The following MARCHF11 variants were observed in gnomAD, a reference collection of about 807,000 sequenced individuals.
MARCHF11 encodes E3 ubiquitin-protein ligase MARCHF11.
A neutral mutation model predicts 37.3 loss-of-function variants in MARCHF11; 29 were observed. The observed-to-expected ratio is 0.78, with a 90% CI of 0.58 to 1.06. The LOEUF is 1.06. Among genes scored for constraint, MARCHF11 ranks in the 50% least tolerant of loss-of-function variants. The pLI is 0.00. For synonymous variants in MARCHF11, 233 were observed against 228.0 expected, an observed-to-expected ratio of 1.02 and a Z score of -0.20; for missense variants, 482 against 533.4, an observed-to-expected ratio of 0.90 and a Z score of 0.95.
chr5:16,170,042 G>A (rs1467354538), intron 2 of MARCHF11, among the ~76,000 whole-genome samples: 1 of 152,124 alleles, frequency 6.6e-6, no homozygotes, highest in Non-Finnish European at 1.5e-5. Context: ...TTTGAGTATT[G>A]TATTCACCGG....
At chr5:16,083,565 T>A (rs574343921) in intron 3 of MARCHF11, among the ~76,000 whole-genome samples, 15 of 152,292 alleles carry the variant, frequency 9.8e-5, no homozygotes, top group African/African-American at 3.6e-4. Context: ...GCAAACTCAT[T>A]TTTTTCTGCT....
In MARCHF11 at chr5:16,070,136, G is replaced by A. The variant is rs17649017; in HGVS notation, c.887-2343C>T. ...AGGAATAATCATAGTTGACCTAACC[G>A]ATCAGATATTTTCAGGAAACAGCCA... On this transcript the variant is annotated intron_variant, in intron 3 of 3. Coordinates refer to ENST00000332432, the MANE Select transcript of MARCHF11 (RefSeq NM_001102562.3). Among the ~76,000 whole-genome samples, 151 of 152,088 alleles carry A rather than the reference G, an allele frequency of 9.9e-4. 1 individual carries two copies. The East Asian group carries it at 0.025, about 25-fold the overall frequency.
Position 16,179,303 on chromosome 5 carries a change from G to A in MARCHF11, c.273C>T (p.Pro91=). Residue 91 remains proline, a synonymous_variant, in exon 1 of 4, where the codon CCC becomes CCT. Transcript: ENST00000332432. ...ELPPPPLPLQ[P]AGQEVAAAGD... is the part of the protein sequence containing the mutation. ...CGGCCGCCGCCACTTCCTGGCCGGC[G>A]GGCTGCAGGGGCAGGGGCGGAGGCG... is the stretch of plus-strand genomic sequence containing the variant. 1 of 1,268,118 alleles carries A rather than the reference G, an allele frequency of 7.9e-7. No individual in the cohort carries two copies. Among genetic ancestry groups the A allele is most frequent in the Non-Finnish European group, 9.9e-7 (1 of 1,008,058 alleles). 78.6% of individuals were successfully genotyped at this position (1,268,118 alleles called of 1,614,324 possible).
At chr5:16,176,823 C>G (rs1164023259) in intron 2 of MARCHF11, among the ~76,000 whole-genome samples, 1 of 152,112 alleles carries the variant, frequency 6.6e-6, no homozygotes, top group Non-Finnish European at 1.5e-5. Context: ...TTTTCCCCCT[C>G]CCAACTTTGC....
At chr5:16,082,060 A>C (rs1027336667) in intron 3 of MARCHF11, among the ~76,000 whole-genome samples, 1 of 144,286 alleles carries the variant, frequency 6.9e-6, no homozygotes, top group African/African-American at 2.9e-5. Flanking sequence ...AGAGAAGAGA[A>C]AAAAATAATG....
intron 2 of MARCHF11, among the ~76,000 whole-genome samples, chr5:16,171,973 G>A (rs904654329): frequency 1.3e-5 from 2 of 152,154 alleles, no homozygotes; most frequent in South Asian, 2.1e-4. Context: ...TAGAAAAGTC[G>A]AAGGTATGTA....
chr5:16,098,030 T>C (rs1434504128), intron 2 of MARCHF11, among the ~76,000 whole-genome samples: 1 of 152,092 alleles, frequency 6.6e-6, no homozygotes, highest in Non-Finnish European at 1.5e-5. Flanking sequence ...GCAAGGTCAA[T>C]ATAACATCCA....
intron 2 of MARCHF11, among the ~76,000 whole-genome samples, chr5:16,124,198 T>C (rs1230300115): frequency 1.3e-5 from 2 of 151,454 alleles, no homozygotes; most frequent in Non-Finnish European, 2.9e-5. Context: ...TTACGAGAAG[T>C]TGTAAGGAAA....
chr5:16,073,237 G>A (rs1449017919), intron 3 of MARCHF11, among the ~76,000 whole-genome samples: 1 of 152,144 alleles, frequency 6.6e-6, no homozygotes, highest in African/African-American at 2.4e-5. Flanking sequence ...ACTTGGTGAA[G>A]GCCAGAGCAT....
At chr5:16,089,805 G>T (rs1331720933) in intron 3 of MARCHF11, among the ~76,000 whole-genome samples, 3 of 152,116 alleles carry the variant, frequency 2.0e-5, no homozygotes, top group African/African-American at 7.2e-5. Flanking sequence ...TAACATAATT[G>T]TTTTATAATC....
At chr5:16,170,247 G>T (rs1366155742) in intron 2 of MARCHF11, among the ~76,000 whole-genome samples, 1 of 152,096 alleles carries the variant, frequency 6.6e-6, no homozygotes, top group African/African-American at 2.4e-5. Context: ...AATGCTAGAA[G>T]AAACCCTTCA....
chr5:16,067,548 T>G lies in MARCHF11; in HGVS notation c.1132A>C (p.Asn378His). 6.2e-7 allele frequency: 1 copy of G among 1,613,976 alleles called. No individual in the cohort carries two copies. The highest frequency in any genetic ancestry group is 1.7e-5 in the Admixed American group (1 of 60,022). Residue 378 changes from asparagine to histidine, a missense_variant, in exon 4 of 4, where the codon AAT becomes CAT. By Grantham distance (68) the Asn-to-His change is moderately conservative. Coordinates refer to ENST00000332432, the MANE Select transcript of MARCHF11 (RefSeq NM_001102562.3). ...AAGTCTTCATGGGGCCTCATCCGATTGAACAGGTGCAATAACACATAGCCA... is the reference window on the plus strand; with the variant it reads ...AAGTCTTCATGGGGCCTCATCCGATGGAACAGGTGCAATAACACATAGCCA... The part of the protein sequence containing the change: ...QCGYVLLHLF[N>H]RMRPHEDLSE...
At chr5:16,094,854 A>G (rs185094871) in intron 2 of MARCHF11, among the ~76,000 whole-genome samples, 43 of 152,308 alleles carry the variant, frequency 2.8e-4, no homozygotes, top group African/African-American at 1.0e-3. Context: ...CAGGACTGAT[A>G]CAGGCCAGGC....
At chr5:16,144,663 T>C (rs574404964) in intron 2 of MARCHF11, among the ~76,000 whole-genome samples, 1 of 152,328 alleles carries the variant, frequency 6.6e-6, no homozygotes, top group African/African-American at 2.4e-5. Flanking sequence ...ATGAGTCACA[T>C]GGCTCCGCAC....
chr5:16,112,131 G>A (rs1299234559), intron 2 of MARCHF11, among the ~76,000 whole-genome samples: 1 of 152,206 alleles, frequency 6.6e-6, no homozygotes, highest in African/African-American at 2.4e-5. Flanking sequence ...GGGAAATGTG[G>A]GGTGTGAGCC....
In MARCHF11 at chr5:16,146,725, AG is replaced by A. The variant is rs1367908736; in HGVS notation, c.693+31000del. Among the ~76,000 whole-genome samples the A allele has an allele frequency of 5.2e-4, 79 of 152,344 alleles. 2 individuals carry two copies. The highest frequency in any genetic ancestry group is 1.8e-3 in the African/African-American group (76 of 41,594). The stretch of plus-strand genomic sequence containing the variant: ...CAAATTTTTAAGTCGGTGGCACAGT[AG>A]TTAAACTGGGAGGACAATCAACAAT... On this transcript the variant is annotated intron_variant, in intron 2 of 3. Transcript: ENST00000332432.
chr5:16,107,843 G>A (rs559323419), intron 2 of MARCHF11, among the ~76,000 whole-genome samples: 2 of 150,918 alleles, frequency 1.3e-5, no homozygotes, highest in South Asian at 2.1e-4. Flanking sequence ...TTTGGCTGGG[G>A]GTGGTCAGAG....
chr5:16,163,038 C>T (rs966266387), intron 2 of MARCHF11, among the ~76,000 whole-genome samples: 1 of 152,038 alleles, frequency 6.6e-6, no homozygotes, highest in African/African-American at 2.4e-5. Flanking sequence ...TTATATTACA[C>T]TGATCCTCAT....
intron 2 of MARCHF11, among the ~76,000 whole-genome samples, chr5:16,169,638 C>G (rs1483404596): frequency 6.6e-6 from 1 of 152,120 alleles, no homozygotes; most frequent in Admixed American, 6.5e-5. Context: ...ATCAAATTCA[C>G]TTGGCTAAAT....
Sources: gnomAD v4.1 joint callset for allele counts (sites outside exome capture counted in the v4.1 genomes callset) on GRCh38, gnomAD v4.1.1 for gene constraint, MANE v1.5 for transcripts, NCBI Gene and HGNC (gene_info 2026-07-23, HGNC 2026-07-21) for gene names.